The following KIF13A variants were observed in gnomAD, a reference collection of about 807,000 sequenced individuals.
KIF13A encodes the protein kinesin family member 13A.
Under a neutral mutation model 212.2 loss-of-function variants are expected in KIF13A, and 79 were observed. The observed-to-expected ratio is 0.37, with a 90% CI of 0.31 to 0.45. The LOEUF (loss-of-function observed/expected upper bound fraction) is 0.45, where lower values mean the gene tolerates loss of function less well. Ranked by LOEUF, KIF13A falls within the 20% of genes least tolerant of loss-of-function variation. The pLI is 1.00. For synonymous variants in KIF13A, 789 were observed against 808.6 expected (o/e 0.98, Z 0.41); for missense variants, 1,901 against 2,209.0 (o/e 0.86, Z 2.79).
chr6:17,764,577 C>CT lies in KIF13A; in HGVS notation c.4950dup (p.Glu1651ArgfsTer37). 1 of 1,613,938 alleles carries CT rather than the reference C, an allele frequency of 6.2e-7. No homozygotes were observed. The highest frequency in any genetic ancestry group is 8.5e-7 in the Non-Finnish European group (1 of 1,179,892). ...AAGCCTTTTTCGACTTCTGTCAACT[C>CT]TTTGTTTGAGGACGGCCTGAAATCA... On this transcript the variant is annotated frameshift_variant, in exon 39 of 39. Transcript: ENST00000259711. LOFTEE classifies it low-confidence loss of function (END_TRUNC). The surrounding 1 kb of genome is among the most constrained non-coding windows in gnomAD (Gnocchi z 5.1).
chr6:17,803,700 A>ATATCTATT (rs1762669483), intron 20 of KIF13A, among the ~76,000 whole-genome samples: 1 of 152,212 alleles, frequency 6.6e-6, no homozygotes, highest in Non-Finnish European at 1.5e-5. Flanking sequence ...GGGGCCAGGA[A>ATATCTATT]GGAACTAGAG....
At chr6:17,975,854 A>C (rs1158978506) in intron 2 of KIF13A, among the ~76,000 whole-genome samples, 2 of 149,562 alleles carry the variant, frequency 1.3e-5, no homozygotes, top group Admixed American at 1.3e-4. Flanking sequence ...ATAGGGTGCT[A>C]ATTGGTGTTT....
Position 17,781,166 on chromosome 6 carries a change from G to A in KIF13A, c.3669+11C>T, listed in dbSNP as rs750036965. ...CTGAAGCCTTTTAAGAGAAACTTGG[G>A]GGTTAATTACCTCATCATCACTGTG... On this transcript the variant is annotated intron_variant, in intron 30 of 38. Coordinates refer to ENST00000259711, the MANE Select transcript of KIF13A (RefSeq NM_022113.6). 3 of 1,613,822 alleles carry A rather than the reference G, an allele frequency of 1.9e-6. No individual in the cohort carries two copies. Among genetic ancestry groups the A allele is most frequent in the Non-Finnish European group, 2.5e-6 (3 of 1,179,850 alleles).
chr6:17,841,362 G>A (rs1001286552), intron 9 of KIF13A, among the ~76,000 whole-genome samples: 5 of 152,176 alleles, frequency 3.3e-5, no homozygotes, highest in African/African-American at 9.7e-5. Flanking sequence ...ACCATGCCCA[G>A]TCGTATGCCC....
In KIF13A at chr6:17,948,557, C is replaced by CTTTTTTTT. The variant is rs71002289; in HGVS notation, c.146+38489_146+38496dup. On this transcript the variant is annotated intron_variant, in intron 2 of 38. Coordinates refer to ENST00000259711, the MANE Select transcript of KIF13A (RefSeq NM_022113.6). ...CACAGTACCACATAACATCCATTTA[C>CTTTTTTTT]TTTTTTTTTTTTTTTTTTTTTTTTG... Among the ~76,000 whole-genome samples, 81 of 84,134 alleles carry CTTTTTTTT rather than the reference C, an allele frequency of 9.6e-4. 1 individual carries two copies. The highest frequency in any genetic ancestry group is 1.7e-3 in the African/African-American group (34 of 20,350). The allele number at this position is 84,134 out of a possible 152,430, so 55.2% of individuals were successfully genotyped here. A position where few individuals can be genotyped will look rare whatever the true frequency, so the allele number is the denominator to read the frequency against.
In KIF13A at chr6:17,871,663, C is replaced by G. The variant is rs1444963876; in HGVS notation, c.220+1714G>C. On this transcript the variant is annotated intron_variant, in intron 4 of 38. Transcript: ENST00000259711. The surrounding 1 kb of genome is among the most constrained non-coding windows in gnomAD (Gnocchi z 4.4). ...GTGGTGAGAGGAGTCCCAGAAGAGA[C>G]AGTGGAGAAGGTAGAATGGGGTTAT... Among the ~76,000 whole-genome samples the G allele has an allele frequency of 1.3e-5, 2 of 151,942 alleles. No homozygotes were observed. Among genetic ancestry groups the G allele is most frequent in the African/African-American group, 2.4e-5 (1 of 41,360 alleles).
intron 17 of KIF13A, among the ~76,000 whole-genome samples, chr6:17,815,384 C>G (rs180991678): frequency 2.0e-5 from 3 of 152,256 alleles, no homozygotes; most frequent in African/African-American, 7.2e-5. Flanking sequence ...TTCTCTAACT[C>G]CCCCGGGAAA....
intron 4 of KIF13A, among the ~76,000 whole-genome samples, chr6:17,867,735 C>T (rs186828948): frequency 5.9e-4 from 90 of 152,280 alleles, no homozygotes; most frequent in Middle Eastern, 3.4e-3. Flanking sequence ...TATGCTAGAA[C>T]AAATTAATAT....
intron 2 of KIF13A, among the ~76,000 whole-genome samples, chr6:17,983,238 G>A (rs1462438919): frequency 6.6e-6 from 1 of 151,446 alleles, no homozygotes; most frequent in African/African-American, 2.4e-5. Context: ...ACTTATTTGT[G>A]TATATAGTTG....
chr6:17,774,050 G>A (rs557104100), intron 35 of KIF13A, among the ~76,000 whole-genome samples: 8 of 152,140 alleles, frequency 5.3e-5, no homozygotes, highest in Non-Finnish European at 1.2e-4. Flanking sequence ...CTATATTTGA[G>A]ATTTAAAAGT....
At chr6:17,781,411 TTTTC>T in intron 29 of KIF13A, 110 bp from the exon 30 acceptor site, 3 of 1,110,264 alleles carry the variant, frequency 2.7e-6, no homozygotes, top group Non-Finnish European at 3.7e-6. Context: ...CATAACACAT[TTTTC>T]TTTTTTCTTT....
intron 2 of KIF13A, among the ~76,000 whole-genome samples, chr6:17,946,452 A>G (rs1581812988): frequency 6.6e-6 from 1 of 152,120 alleles, no homozygotes; most frequent in South Asian, 2.1e-4. Flanking sequence ...CCAAAAAAAA[A>G]ACAAAAAAGA....
chr6:17,832,404 A>AG (rs1765525733), intron 12 of KIF13A, among the ~76,000 whole-genome samples: 1 of 152,190 alleles, frequency 6.6e-6, no homozygotes, highest in African/African-American at 2.4e-5. Flanking sequence ...TGGGAGGCTA[A>AG]GGCGGGTGGA....
chr6:17,831,214 T>C lies in KIF13A; in HGVS notation c.1288A>G (p.Ser430Gly). 1 of 1,613,064 alleles carries C rather than the reference T, an allele frequency of 6.2e-7. No homozygotes were observed. Among genetic ancestry groups the C allele is most frequent in the Non-Finnish European group, 8.5e-7 (1 of 1,179,630 alleles). The change falls in exon 13 of 39, where the codon AGC becomes GGC. Residue 430 changes from serine to glycine, a missense_variant. Ser to Gly is a moderately conservative substitution (Grantham distance 56). Coordinates refer to ENST00000259711, the MANE Select transcript of KIF13A (RefSeq NM_022113.6). ...IAQERQRQLE[S>G]MGISLEMSGI... ...GACATCTCCAGGGAAATCCCCATGC[T>C]TTCAAGTTGTCGTTGTCTTTCCTGT... is the stretch of plus-strand genomic sequence containing the variant.
At position 17,825,037 on chromosome 6, in the gene KIF13A, C is replaced by T. The variant is rs1272651007; in HGVS notation, c.1786+731G>A. Among the ~76,000 whole-genome samples, 2 of 152,274 alleles carry T rather than the reference C, an allele frequency of 1.3e-5. No individual in the cohort carries two copies. Among genetic ancestry groups the T allele is most frequent in the African/African-American group, 4.8e-5 (2 of 41,548 alleles). On this transcript the variant is annotated intron_variant, in intron 16 of 38. Coordinates refer to ENST00000259711, the MANE Select transcript of KIF13A (RefSeq NM_022113.6). The surrounding 1 kb of genome is among the most constrained non-coding windows in gnomAD (Gnocchi z 4.5). Reference sequence around the variant, plus strand: ...TGTGGTTGGTAACAGGTGAACATTGCTTCTGGCTTCTAAGTCCCAGTCATC... The same window carrying T: ...TGTGGTTGGTAACAGGTGAACATTGTTTCTGGCTTCTAAGTCCCAGTCATC...
intron 32 of KIF13A, 110 bp from the exon 33 acceptor site, chr6:17,779,209 T>C: frequency 1.5e-6 from 1 of 664,264 alleles, no homozygotes. Flanking sequence ...TTCTCCATTA[T>C]TTAGATACTG....
intron 3 of KIF13A, among the ~76,000 whole-genome samples, chr6:17,876,760 G>A (rs1344754645): frequency 6.6e-6 from 1 of 152,048 alleles, no homozygotes; most frequent in Non-Finnish European, 1.5e-5. Flanking sequence ...TCAGCCTCCT[G>A]AGTAGCTGGG....
chr6:17,960,746 A>C (rs1778749096), intron 2 of KIF13A, among the ~76,000 whole-genome samples: 2 of 152,212 alleles, frequency 1.3e-5, no homozygotes, highest in Non-Finnish European at 2.9e-5. Flanking sequence ...TATTCCCAGC[A>C]GAATAAAGGA....
intron 26 of KIF13A, among the ~76,000 whole-genome samples, chr6:17,788,728 A>AT (rs916738994): frequency 2.0e-5 from 3 of 151,380 alleles, no homozygotes; most frequent in Non-Finnish European, 3.0e-5. Context: ...GTGTACCCAC[A>AT]TTTTTTTTTC....
Sources: allele counts gnomAD v4.1 joint callset (sites outside exome capture counted in the v4.1 genomes callset), GRCh38; gene constraint gnomAD v4.1.1; non-coding constraint Gnocchi (gnomAD v3.1); transcripts MANE v1.5; gene names NCBI Gene and HGNC (gene_info 2026-07-23, HGNC 2026-07-21).